The following SH3PXD2B variants were observed in gnomAD, a reference collection of about 807,000 sequenced individuals.
SH3PXD2B encodes SH3 and PX domains 2B.
A neutral mutation model predicts 73.1 loss-of-function variants in SH3PXD2B; 37 were observed. The ratio of observed to expected loss-of-function variants is 0.51; its 90% CI spans 0.39 to 0.67. SH3PXD2B has a LOEUF of 0.67. Ranked by LOEUF, SH3PXD2B falls within the 30% of genes least tolerant of loss-of-function variation. The pLI is 0.00. For synonymous variants in SH3PXD2B, 457 were observed against 480.5 expected, an observed-to-expected ratio of 0.95 and a Z score of 0.64; for missense variants, 1,053 against 1,197.8, an observed-to-expected ratio of 0.88 and a Z score of 1.78.
chr5:172,342,063 G>A (rs1756864134), intron 12 of SH3PXD2B, among the ~76,000 whole-genome samples: 1 of 152,174 alleles, frequency 6.6e-6, no homozygotes, highest in Non-Finnish European at 1.5e-5. Flanking sequence ...CAGGGACTGA[G>A]GGATGACCAC....
chr5:172,439,268 AACAAAAACAAAACAAAAAAAAAAC>A (rs1561583458), intron 1 of SH3PXD2B, among the ~76,000 whole-genome samples: 4,010 of 67,874 alleles, frequency 0.059, 115 homozygotes, highest in South Asian at 0.16. Context: ...AAAAAACAAA[AACAAAAACAAAACAAAAAAAAAAC>A]CCCAAAAAAA....
At chr5:172,340,988 T>C (rs1561892227) in intron 12 of SH3PXD2B, among the ~76,000 whole-genome samples, 1 of 151,932 alleles carries the variant, frequency 6.6e-6, no homozygotes, top group Non-Finnish European at 1.5e-5. Context: ...TGGAGTAGAG[T>C]AGATTTTCAT....
Position 172,333,543 on chromosome 5 carries a change from A to ATT in SH3PXD2B, c.*4825_*4826insAA, listed in dbSNP as rs1399968667. The ATT allele has an allele frequency of 1.3e-3, 1,151 of 885,646 alleles. 9 individuals carry two copies. The African/African-American group carries it at 0.016, about 13-fold the overall frequency. 54.9% of individuals were successfully genotyped at this position (885,646 alleles called of 1,614,324 possible). On this transcript the variant is annotated 3_prime_UTR_variant, in exon 13 of 13. Coordinates refer to ENST00000311601, the MANE Select transcript of SH3PXD2B (RefSeq NM_001017995.3). ...CCAGTCAAGCACTTTTTTTATTTAA[A>ATT]AAAAAAAAAAGGAAAGAAGTCAAAT... is the stretch of plus-strand genomic sequence containing the variant.
downstream of SH3PXD2B, among the ~76,000 whole-genome samples, chr5:172,332,775 C>T (rs1265723040): frequency 1.3e-5 from 2 of 152,020 alleles, no homozygotes; most frequent in Non-Finnish European, 2.9e-5. Context: ...CACCTGGGAA[C>T]AAGGAGGCTC....
intron 4 of SH3PXD2B, 36 bp downstream of exon 4, chr5:172,394,527 T>C: frequency 6.2e-7 from 1 of 1,607,054 alleles, no homozygotes; most frequent in Non-Finnish European, 8.5e-7. Context: ...AGAATACACC[T>C]ACAGGGAAGA....
chr5:172,382,098 A>G lies in SH3PXD2B; in HGVS notation c.339T>C (p.Ser113=), dbSNP rs112777786. ...AGAACTGCAGCACCTCATCACACTG[A>G]GAGATGTAGGGGGGCAGCTGGATGA... ...KALIQLPPYI[S]QCDEVLQFFE... The change falls in exon 5 of 13, where the codon TCT becomes TCC. Residue 113 remains serine (S), a synonymous_variant. Transcript: ENST00000311601. The G allele has an allele frequency of 9.2e-5, 148 of 1,611,156 alleles. No individual in the cohort carries two copies. The African/African-American group carries it at 1.7e-3, about 18-fold the overall frequency.
intron 4 of SH3PXD2B, among the ~76,000 whole-genome samples, chr5:172,393,312 C>T (rs1246095519): frequency 3.3e-5 from 5 of 152,098 alleles, no homozygotes; most frequent in Admixed American, 6.5e-5. Flanking sequence ...CTTTTTGATG[C>T]TATTGGGAGT....
chr5:172,410,592 A>C (rs1758669938), intron 2 of SH3PXD2B, among the ~76,000 whole-genome samples: 1 of 152,108 alleles, frequency 6.6e-6, no homozygotes, highest in Non-Finnish European at 1.5e-5. Context: ...AGAACCTAAA[A>C]CTTCTCTAAA....
rs547003114 is a variant in SH3PXD2B at position 172,343,384 on chromosome 5, T to C, written c.1188+2752A>G. Among the ~76,000 whole-genome samples, 4 of 152,358 alleles carry C rather than the reference T, an allele frequency of 2.6e-5. No individual in the cohort carries two copies. In the East Asian group the frequency reaches 7.7e-4, roughly 29 times the overall value. On this transcript the variant is annotated intron_variant, in intron 12 of 12. Coordinates refer to ENST00000311601, the MANE Select transcript of SH3PXD2B (RefSeq NM_001017995.3). ...ATATTAGATGTATCAGTAAGATTTG[T>C]CAAGCTTACACTCTTTGCAAAGTAT...
At chr5:172,358,697 G>T (rs1757333197) in intron 8 of SH3PXD2B, 76 bp downstream of exon 8, 1 of 1,349,562 alleles carries the variant, frequency 7.4e-7, no homozygotes, top group African/African-American at 1.4e-5. Flanking sequence ...GAAGAGATTG[G>T]ATGAAAAGGC....
At chr5:172,409,808 T>C (rs1190441362) in intron 2 of SH3PXD2B, among the ~76,000 whole-genome samples, 1 of 152,180 alleles carries the variant, frequency 6.6e-6, no homozygotes, top group African/African-American at 2.4e-5. Flanking sequence ...CTCCGCCTCC[T>C]GGGTTCAAGC....
intron 4 of SH3PXD2B, among the ~76,000 whole-genome samples, chr5:172,388,732 TG>T (rs1192223568): frequency 1.3e-5 from 2 of 152,238 alleles, no homozygotes; most frequent in Non-Finnish European, 2.9e-5. Context: ...TAGGCTGATT[TG>T]GGCTGAGGGA....
chr5:172,408,400 C>G (rs1758612147), intron 2 of SH3PXD2B, among the ~76,000 whole-genome samples: 1 of 152,106 alleles, frequency 6.6e-6, no homozygotes, highest in African/African-American at 2.4e-5. Flanking sequence ...TCCAGAGCAG[C>G]TGGGACTATA....
intron 3 of SH3PXD2B, among the ~76,000 whole-genome samples, chr5:172,402,366 T>C (rs1581311209): frequency 6.6e-6 from 1 of 152,222 alleles, no homozygotes; most frequent in African/African-American, 2.4e-5. Flanking sequence ...ATTTAAATTT[T>C]GCCCCGGTCC....
At chr5:172,433,662 C>T (rs982801819) in intron 1 of SH3PXD2B, among the ~76,000 whole-genome samples, 3 of 152,148 alleles carry the variant, frequency 2.0e-5, no homozygotes, top group African/African-American at 7.2e-5. Context: ...CACTGGCTCA[C>T]CGGCCGGGAA....
At chr5:172,423,196 G>C (rs77471773) in intron 1 of SH3PXD2B, among the ~76,000 whole-genome samples, 9,532 of 152,292 alleles carry the variant, frequency 0.063, 452 homozygotes, top group African/African-American at 0.14. Flanking sequence ...TTAGAGGTCA[G>C]AGGTGCCTGG....
chr5:172,345,490 T>G (rs1201929576), intron 12 of SH3PXD2B, among the ~76,000 whole-genome samples: 4 of 152,184 alleles, frequency 2.6e-5, no homozygotes, highest in Non-Finnish European at 5.9e-5. Context: ...ATACCTGTGA[T>G]TGGCTCACCT....
In SH3PXD2B at chr5:172,333,644, T is replaced by A; in HGVS notation, c.*4725A>T. On this transcript the variant is annotated 3_prime_UTR_variant, in exon 13 of 13. Transcript: ENST00000311601. ...CCTCACATCCTATATACTCATTTAT[T>A]TAATGTGTTAAAGGAAACAAAAACC... 1.6e-6 allele frequency: 2 copies of A among 1,289,282 alleles called. No individual in the cohort carries two copies. Among genetic ancestry groups the A allele is most frequent in the Non-Finnish European group, 2.0e-6 (2 of 988,850 alleles). The allele number at this position is 1,289,282 out of a possible 1,614,324, so 79.9% of individuals were successfully genotyped here.
chr5:172,333,093 G>A (rs577198734), downstream of SH3PXD2B, among the ~76,000 whole-genome samples: 2 of 45,740 alleles, frequency 4.4e-5, no homozygotes, highest in Non-Finnish European at 8.8e-5. Flanking sequence ...CCGACACCAC[G>A]CCCGGCGAAT....
Sources: allele counts gnomAD v4.1 joint callset (sites outside exome capture counted in the v4.1 genomes callset), GRCh38; gene constraint gnomAD v4.1.1; transcripts MANE v1.5; gene names NCBI Gene and HGNC (gene_info 2026-07-23, HGNC 2026-07-21).